LAMC1: variants seen among roughly 807,000 people sequenced by gnomAD.
LAMC1 encodes laminin subunit gamma-1.
LAMC1 carries 38 observed loss-of-function variants against 173.6 expected under a neutral mutation model. That is an observed-to-expected ratio of 0.22 (90% confidence interval 0.17 to 0.29). The LOEUF (loss-of-function observed/expected upper bound fraction) is 0.29. LAMC1 is among the 10% of genes least tolerant of loss of function. LAMC1 has a pLI of 1.00. For synonymous variants in LAMC1, 746 were observed against 749.1 expected, an observed-to-expected ratio of 1.00 and a Z score of 0.07; for missense variants, 1,824 against 2,051.8, an observed-to-expected ratio of 0.89 and a Z score of 2.14.
intron 16 of LAMC1, among the ~76,000 whole-genome samples, chr1:183,126,655 T>C (rs1656628412): frequency 6.6e-6 from 1 of 152,224 alleles, no homozygotes; most frequent in African/African-American, 2.4e-5. Context: ...CTGTAGTTGC[T>C]TCCCACCCTT....
chr1:183,051,153 C>G (rs1039455723), intron 1 of LAMC1, among the ~76,000 whole-genome samples: 3 of 152,178 alleles, frequency 2.0e-5, no homozygotes, highest in African/African-American at 7.2e-5. Context: ...ACCACAGATG[C>G]TTTGACACTC....
At chr1:183,082,690 A>G (rs147428536) in intron 1 of LAMC1, among the ~76,000 whole-genome samples, 1 of 152,308 alleles carries the variant, frequency 6.6e-6, no homozygotes, top group African/African-American at 2.4e-5. Context: ...TGCTTTCATT[A>G]TATTAGTATT....
At chr1:183,124,995 T>C in intron 14 of LAMC1, 119 bp downstream of exon 14, 1 of 1,333,514 alleles carries the variant, frequency 7.5e-7, no homozygotes, top group Non-Finnish European at 1.0e-6. Context: ...TGTGAACCGC[T>C]TTTGTCTTTT....
chr1:183,116,464 G>C (rs1248829175), intron 6 of LAMC1, 113 bp from the exon 7 acceptor site: 2 of 665,878 alleles, frequency 3.0e-6, no homozygotes, highest in Non-Finnish European at 5.0e-6. Flanking sequence ...GCGACAGTGT[G>C]AGACTCTGTC....
chr1:183,137,859 A>AAATATAC (rs1275681680), intron 26 of LAMC1, 32 bp downstream of exon 26: 9 of 1,568,924 alleles, frequency 5.7e-6, no homozygotes, highest in Non-Finnish European at 6.0e-6. Context: ...GCTCATTGGC[A>AAATATAC]GAAAGTGAAC....
At chr1:183,025,754 A>G (rs1344021705) in intron 1 of LAMC1, among the ~76,000 whole-genome samples, 2 of 152,250 alleles carry the variant, frequency 1.3e-5, no homozygotes, top group Admixed American at 1.3e-4. Flanking sequence ...AAAATTTTCA[A>G]AGAAAAGGCG....
At chr1:183,053,270 A>G (rs1654483615) in intron 1 of LAMC1, among the ~76,000 whole-genome samples, 2 of 152,234 alleles carry the variant, frequency 1.3e-5, no homozygotes, top group African/African-American at 4.8e-5. Flanking sequence ...TAAGAAATAT[A>G]TTTTGTATTG....
chr1:183,088,512 G>A (rs1278790148), intron 1 of LAMC1, among the ~76,000 whole-genome samples: 2 of 152,244 alleles, frequency 1.3e-5, no homozygotes, highest in South Asian at 4.1e-4. Flanking sequence ...AATTGTGTAT[G>A]TATGTGTGCA....
At chr1:183,109,086 G>A (rs915353519) in intron 3 of LAMC1, among the ~76,000 whole-genome samples, 2 of 152,158 alleles carry the variant, frequency 1.3e-5, no homozygotes, top group Admixed American at 6.5e-5. Flanking sequence ...AGATAGTTTC[G>A]TGGCCAGAGA....
chr1:183,066,916 TAACA>T lies in LAMC1; in HGVS notation c.419-36408_419-36405del, dbSNP rs1654888353. 3.3e-5 allele frequency among the ~76,000 whole-genome samples: 5 copies of T among 152,314 alleles called. No individual in the cohort carries two copies. The South Asian group carries it at 1.0e-3, about 32-fold the overall frequency. On this transcript the variant is annotated intron_variant, in intron 1 of 27. Transcript: ENST00000258341. ...ACCATGCACATGTTGTGTACCTATGTAACAAACCTGCACATTCTGCACATGTATC... is the reference window on the plus strand; with the variant it reads ...ACCATGCACATGTTGTGTACCTATGTAACCTGCACATTCTGCACATGTATC...
At position 183,134,769 on chromosome 1, in the gene LAMC1, A is replaced by C. The variant is rs779822602; in HGVS notation, c.3959A>C (p.Glu1320Ala). The change falls in exon 23 of 28, where the codon GAA becomes GCA. Residue 1320 changes from glutamate to alanine, a missense_variant. Transcript: ENST00000258341. ...GAAGATATGAGAGGGAAGGAACTTGAAGTCAAGAACCTTCTGGAGAAAGGC... is the reference window on the plus strand; with the variant it reads ...GAAGATATGAGAGGGAAGGAACTTGCAGTCAAGAACCTTCTGGAGAAAGGC... The part of the protein sequence containing the change: ...LREDMRGKEL[E>A]VKNLLEKGKT... 1 of 1,613,942 alleles carries C rather than the reference A, an allele frequency of 6.2e-7. No individual in the cohort carries two copies. Among genetic ancestry groups the C allele is most frequent in the Non-Finnish European group, 8.5e-7 (1 of 1,179,952 alleles).
intron 1 of LAMC1, among the ~76,000 whole-genome samples, chr1:183,069,048 A>G (rs776496886): frequency 3.3e-5 from 5 of 152,240 alleles, no homozygotes; most frequent in Non-Finnish European, 7.4e-5. Flanking sequence ...CCACTGTTGA[A>G]TTCTGCCTGG....
At chr1:183,126,313 G>T (rs374992695) in intron 16 of LAMC1, 51 bp downstream of exon 16, 2 of 1,590,322 alleles carry the variant, frequency 1.3e-6, no homozygotes, top group Admixed American at 1.7e-5. Context: ...ATTCCAGTTA[G>T]TGTCTTAAGG....
intron 1 of LAMC1, among the ~76,000 whole-genome samples, chr1:183,086,387 C>G (rs918113174): frequency 6.6e-5 from 10 of 152,194 alleles, no homozygotes; most frequent in African/African-American, 2.2e-4. Flanking sequence ...CAAAGGTATT[C>G]AGACATTTAC....
chr1:183,099,783 G>T (rs869132), intron 1 of LAMC1, among the ~76,000 whole-genome samples: 15,830 of 151,992 alleles, frequency 0.1, 1,017 homozygotes, highest in Admixed American at 0.2. Context: ...CTCTAACTCA[G>T]ACATCTCTCT....
intron 1 of LAMC1, among the ~76,000 whole-genome samples, chr1:183,095,182 T>C (rs1236650129): frequency 1.3e-5 from 2 of 152,180 alleles, no homozygotes; most frequent in Non-Finnish European, 2.9e-5. Flanking sequence ...CAGTGGACTT[T>C]TAAGTTCACT....
intron 27 of LAMC1, chr1:183,140,795 T>C: frequency 5.2e-6 from 1 of 193,810 alleles, no homozygotes; most frequent in Admixed American, 5.9e-5. Flanking sequence ...GCTGTGTTAA[T>C]GTGACAAGTA....
chr1:183,038,458 T>C (rs911706814), intron 1 of LAMC1, among the ~76,000 whole-genome samples: 1 of 152,208 alleles, frequency 6.6e-6, no homozygotes, highest in African/African-American at 2.4e-5. Flanking sequence ...CTCTGCTGTT[T>C]TTTGTTTTGT....
intron 1 of LAMC1, among the ~76,000 whole-genome samples, chr1:183,082,460 GGCAAAGGACCATGAAGCACGGTAAA>G (rs993961375): frequency 3.3e-5 from 5 of 152,228 alleles, no homozygotes; most frequent in Admixed American, 2.0e-4. Flanking sequence ...ATATCATTAT[GGCAAAGGACCATGAAGCACGGTAAA>G]GCAAAGGACC....
Sources: allele counts gnomAD v4.1 joint callset (sites outside exome capture counted in the v4.1 genomes callset), GRCh38; gene constraint gnomAD v4.1.1; transcripts MANE v1.5; gene names NCBI Gene and HGNC (gene_info 2026-07-23, HGNC 2026-07-21).